MDFIC: variants seen among roughly 807,000 people sequenced by gnomAD.
The protein encoded by MDFIC is MyoD family inhibitor domain containing.
In MDFIC, 17 loss-of-function variants were observed where a neutral mutation model predicts 23.2. That is an observed-to-expected ratio of 0.73 (90% confidence interval 0.50 to 1.10). MDFIC has a LOEUF of 1.10. Among genes scored for constraint, MDFIC ranks in the 50% least tolerant of loss-of-function variants. The pLI is 0.00. For missense variants in MDFIC, 356 were observed against 316.6 expected, an observed-to-expected ratio of 1.12 and a Z score of -0.95; for synonymous variants, 120 against 115.2, an observed-to-expected ratio of 1.04 and a Z score of -0.27.
rs1212025904 is a variant in MDFIC, at chr7:115,019,390, G to A, written c.*3455G>A. Among the ~76,000 whole-genome samples, 1 of 151,956 alleles carries A rather than the reference G, an allele frequency of 6.6e-6. No individual in the cohort carries two copies. Among genetic ancestry groups the A allele is most frequent in the African/African-American group, 2.4e-5 (1 of 41,380 alleles). On this transcript the variant is annotated 3_prime_UTR_variant, in exon 5 of 5. Coordinates refer to ENST00000393486, the MANE Select transcript of MDFIC (RefSeq NM_001166345.3). ...GTCAATGTTATCTGAGCAGTTCAAG[G>A]AGTAACCAAGGCAACCTTATGTAAT...
chr7:114,972,619 T>C (rs1422521251), intron 3 of MDFIC, among the ~76,000 whole-genome samples: 1 of 152,066 alleles, frequency 6.6e-6, no homozygotes, highest in Non-Finnish European at 1.5e-5. Context: ...TCAACTTTCT[T>C]TTTCTCTCTT....
intron 3 of MDFIC, among the ~76,000 whole-genome samples, chr7:114,975,714 C>T (rs1793296610): frequency 6.6e-6 from 1 of 151,798 alleles, no homozygotes; most frequent in Admixed American, 6.6e-5. Context: ...CTAATTTTAC[C>T]ATAAGATTCA....
rs1321882770 is a variant in MDFIC, at chr7:114,975,414, G to C, written c.218-4092G>C. ...CTCTGAAAAATGCCAGATGGTCTAT[G>C]GTCTACTTTTGAGAGCTGTCACATA... On this transcript the variant is annotated intron_variant, in intron 3 of 4. Coordinates refer to ENST00000393486, the MANE Select transcript of MDFIC (RefSeq NM_001166345.3). Among the ~76,000 whole-genome samples the C allele has an allele frequency of 4.6e-5, 7 of 151,968 alleles. No homozygotes were observed. The East Asian group carries it at 1.3e-3, about 29-fold the overall frequency.
intron 3 of MDFIC, among the ~76,000 whole-genome samples, chr7:114,973,107 A>AT (rs1372157164): frequency 6.7e-6 from 1 of 150,320 alleles, no homozygotes; most frequent in African/African-American, 2.4e-5. Context: ...GTGTGTATAT[A>AT]TATATATATA....
At chr7:114,984,328 A>AT (rs913218642) in intron 4 of MDFIC, among the ~76,000 whole-genome samples, 214 of 150,020 alleles carry the variant, frequency 1.4e-3, no homozygotes, top group Middle Eastern at 6.8e-3. Flanking sequence ...ATCTAAGTCA[A>AT]TTTTTTTTTT....
intron 4 of MDFIC, among the ~76,000 whole-genome samples, chr7:115,001,720 A>AT (rs147364626): frequency 0.42 from 64,439 of 151,964 alleles, 13,853 homozygotes; most frequent in Middle Eastern, 0.46. Context: ...AGTGCCTTTG[A>AT]TTTTTTGTTC....
chr7:114,943,023 A>G (rs1374088886), intron 3 of MDFIC, among the ~76,000 whole-genome samples: 1 of 152,138 alleles, frequency 6.6e-6, no homozygotes, highest in Non-Finnish European at 1.5e-5. Flanking sequence ...TTCAAGATGA[A>G]TTTGCCATAC....
At chr7:114,960,961 C>A (rs1463206835) in intron 3 of MDFIC, among the ~76,000 whole-genome samples, 1 of 152,008 alleles carries the variant, frequency 6.6e-6, no homozygotes, top group Admixed American at 6.6e-5. Flanking sequence ...CAGTATGACA[C>A]AAAACACAGT....
intron 4 of MDFIC, among the ~76,000 whole-genome samples, chr7:114,984,933 A>G (rs1454913961): frequency 6.6e-6 from 1 of 152,258 alleles, no homozygotes; most frequent in African/African-American, 2.4e-5. Flanking sequence ...GCATAGAGAA[A>G]TACATATCCA....
chr7:114,953,625 T>G (rs1792824267), intron 3 of MDFIC, among the ~76,000 whole-genome samples: 1 of 152,224 alleles, frequency 6.6e-6, no homozygotes, highest in Admixed American at 6.5e-5. Flanking sequence ...TGACTCTTTA[T>G]GCCTTCTGCT....
At chr7:114,999,417 T>G (rs761589293) in intron 4 of MDFIC, among the ~76,000 whole-genome samples, 14 of 152,086 alleles carry the variant, frequency 9.2e-5, no homozygotes, top group Non-Finnish European at 2.1e-4. Flanking sequence ...TGTTTAGCTA[T>G]TTGCTGTTTT....
At chr7:114,979,245 G>A (rs912782867) in intron 3 of MDFIC, among the ~76,000 whole-genome samples, 4 of 151,828 alleles carry the variant, frequency 2.6e-5, no homozygotes, top group South Asian at 2.1e-4. Context: ...CTTTAAAACC[G>A]CCCAAAACAG....
chr7:115,013,288 C>T (rs1430787877), intron 4 of MDFIC, among the ~76,000 whole-genome samples: 1 of 152,102 alleles, frequency 6.6e-6, no homozygotes, highest in African/African-American at 2.4e-5. Context: ...AAGATGGATT[C>T]AGGAAAGGAC....
chr7:114,985,764 A>G (rs1793500488), intron 4 of MDFIC, among the ~76,000 whole-genome samples: 1 of 151,800 alleles, frequency 6.6e-6, no homozygotes, highest in Non-Finnish European at 1.5e-5. Flanking sequence ...TTATTAGAGA[A>G]GATACTAGAT....
intron 2 of MDFIC, among the ~76,000 whole-genome samples, chr7:114,932,440 T>G (rs1351837911): frequency 1.3e-5 from 2 of 152,168 alleles, no homozygotes. Flanking sequence ...CTGTAACTAC[T>G]ATTAGCTAAG....
intron 3 of MDFIC, among the ~76,000 whole-genome samples, chr7:114,949,535 T>C (rs1201046289): frequency 1.3e-5 from 2 of 152,336 alleles, no homozygotes; most frequent in East Asian, 3.9e-4. Context: ...GATCATGTTG[T>C]TATATTGAAA....
chr7:114,967,338 A>G (rs1287369800), intron 3 of MDFIC, among the ~76,000 whole-genome samples: 3 of 152,180 alleles, frequency 2.0e-5, no homozygotes, highest in Non-Finnish European at 4.4e-5. Context: ...GTTTTTAAAT[A>G]TTTTTAGAAA....
chr7:115,005,216 T>C (rs952954313), intron 4 of MDFIC, among the ~76,000 whole-genome samples: 5 of 152,238 alleles, frequency 3.3e-5, no homozygotes, highest in African/African-American at 1.2e-4. Context: ...ACTCAGGCAA[T>C]TAGTGACAGA....
intron 2 of MDFIC, among the ~76,000 whole-genome samples, chr7:114,937,944 A>G (rs138497913): frequency 2.6e-5 from 4 of 152,322 alleles, no homozygotes; most frequent in Admixed American, 6.5e-5. Context: ...AGCATTATAT[A>G]TAATTCAGAT....
Sources: allele counts gnomAD v4.1 joint callset (sites outside exome capture counted in the v4.1 genomes callset), GRCh38; gene constraint gnomAD v4.1.1; transcripts MANE v1.5; gene names NCBI Gene and HGNC (gene_info 2026-07-23, HGNC 2026-07-21).